OSBPL3: variants seen among roughly 807,000 people sequenced by gnomAD.
OSBPL3 encodes the protein oxysterol-binding protein-related protein 3.
In OSBPL3, 65 loss-of-function variants were observed where a neutral mutation model predicts 120.1. That is an observed-to-expected ratio of 0.54 (90% CI 0.44 to 0.67). The LOEUF is 0.67. Among genes scored for constraint, OSBPL3 ranks in the 30% least tolerant of loss-of-function variants. The probability of loss-of-function intolerance (pLI) is 0.00; values close to 1 mark genes in which losing one functional copy is unlikely to be tolerated. For missense variants in OSBPL3, 1,004 were observed against 1,082.1 expected, an observed-to-expected ratio of 0.93 and a Z score of 1.01; for synonymous variants, 416 against 402.6, an observed-to-expected ratio of 1.03 and a Z score of -0.40.
At position 24,939,146 on chromosome 7, in the gene OSBPL3, G is replaced by A. The variant is rs1489487595; in HGVS notation, c.-150+40740C>T. 8.5e-5 allele frequency among the ~76,000 whole-genome samples: 13 copies of A among 152,152 alleles called. No individual in the cohort carries two copies. The highest frequency in any genetic ancestry group is 7.2e-4 in the Admixed American group (11 of 15,268). ...AAATGCAGTATTTAAGAGAAAGAAAGAGAAAAGATAAATGAAGAAAACTAA... is the reference window on the plus strand; with the variant it reads ...AAATGCAGTATTTAAGAGAAAGAAAAAGAAAAGATAAATGAAGAAAACTAA... On this transcript the variant is annotated intron_variant, in intron 1 of 22. Coordinates refer to ENST00000313367, the MANE Select transcript of OSBPL3 (RefSeq NM_015550.4). The surrounding 1 kb of genome is among the most constrained non-coding windows in gnomAD (Gnocchi z 4.2).
At chr7:24,974,427 T>C (rs775757422) in intron 1 of OSBPL3, among the ~76,000 whole-genome samples, 2 of 152,208 alleles carry the variant, frequency 1.3e-5, no homozygotes, top group African/African-American at 2.4e-5. Flanking sequence ...TGCAACATAA[T>C]AGGAGTTACA....
rs1800712688 is a variant in OSBPL3 at position 24,862,522 on chromosome 7, TATC to T, written c.870+675_870+677del. ...GAACATTCTTTACTTCCAAAGTGCT[TATC>T]TTCAGTCCATAAACTACTTTGAACC... is the stretch of plus-strand genomic sequence containing the variant. On this transcript the variant is annotated intron_variant, in intron 9 of 22. Transcript: ENST00000313367. This position sits in a 1 kb window ranked among gnomAD's most constrained non-coding sequence, Gnocchi z 4.4. Among the ~76,000 whole-genome samples, 1 of 152,216 alleles carries T rather than the reference TATC, an allele frequency of 6.6e-6. No individual in the cohort carries two copies. The highest frequency in any genetic ancestry group is 2.4e-5 in the African/African-American group (1 of 41,454).
intron 1 of OSBPL3, among the ~76,000 whole-genome samples, chr7:24,973,955 G>A (rs1476606524): frequency 2.6e-5 from 4 of 152,038 alleles, no homozygotes; most frequent in African/African-American, 4.8e-5. Flanking sequence ...TTCTTAAGTA[G>A]ACAAAGAGTA....
chr7:24,839,991 CAAAAAAAAAAAAAAA>C (rs71675250), intron 14 of OSBPL3, among the ~76,000 whole-genome samples: 676 of 53,334 alleles, frequency 0.013, 18 homozygotes, highest in African/African-American at 0.05. Context: ...CTCCATCTCA[CAAAAAAAAAAAAAAA>C]AAAAAAAAAA....
At chr7:24,957,898 T>C (rs1378448985) in intron 1 of OSBPL3, among the ~76,000 whole-genome samples, 1 of 152,204 alleles carries the variant, frequency 6.6e-6, no homozygotes, top group African/African-American at 2.4e-5. Context: ...CATCATACAC[T>C]GTTTTACACA....
At chr7:24,843,570 A>C (rs1396617562) in intron 12 of OSBPL3, among the ~76,000 whole-genome samples, 1 of 152,198 alleles carries the variant, frequency 6.6e-6, no homozygotes, top group Non-Finnish European at 1.5e-5. Context: ...TTTCGTAATT[A>C]ATAAAAGGCA....
rs1191322711 is a variant in OSBPL3 at position 24,972,313 on chromosome 7, G to T, written c.-150+7573C>A. On this transcript the variant is annotated intron_variant, in intron 1 of 22. Transcript: ENST00000313367. The surrounding 1 kb of genome is among the most constrained non-coding windows in gnomAD (Gnocchi z 4.3). ...GAAAGACACAAAAGGGCAGGACTCT[G>T]CTCATCTCATCCTCCTTTGAGGATT... Among the ~76,000 whole-genome samples the T allele has an allele frequency of 6.6e-6, 1 of 152,206 alleles. No individual in the cohort carries two copies. The highest frequency in any genetic ancestry group is 6.5e-5 in the Admixed American group (1 of 15,278).
At chr7:24,874,793 C>G (rs1167486602) in intron 2 of OSBPL3, among the ~76,000 whole-genome samples, 1 of 152,188 alleles carries the variant, frequency 6.6e-6, no homozygotes, top group Non-Finnish European at 1.5e-5. Context: ...TGAAGACTCT[C>G]CTTGACTAAA....
chr7:24,921,001 T>A (rs1562928195), intron 1 of OSBPL3, among the ~76,000 whole-genome samples: 1 of 152,202 alleles, frequency 6.6e-6, no homozygotes, highest in East Asian at 1.9e-4. Context: ...CCCAAAGGCT[T>A]TCTTCTATCC....
At chr7:24,885,914 A>G (rs1384631244) in intron 2 of OSBPL3, among the ~76,000 whole-genome samples, 1 of 152,224 alleles carries the variant, frequency 6.6e-6, no homozygotes, top group Non-Finnish European at 1.5e-5. Context: ...GGAATGTGTT[A>G]CTTTGAAAAT....
intron 10 of OSBPL3, among the ~76,000 whole-genome samples, chr7:24,857,749 C>T (rs1011651470): frequency 3.9e-5 from 6 of 152,238 alleles, no homozygotes; most frequent in Admixed American, 1.3e-4. Context: ...GGGGAAGATT[C>T]CCAAATAATA....
At chr7:24,897,101 G>GC in intron 1 of OSBPL3, among the ~76,000 whole-genome samples, 1 of 151,706 alleles carries the variant, frequency 6.6e-6, no homozygotes, top group East Asian at 1.9e-4. Context: ...AGGGAGGAAG[G>GC]AAGGCAGGCA....
rs1812708999 is a variant in OSBPL3 at position 24,938,737 on chromosome 7, T to C, written c.-150+41149A>G. ...AGGCAAGACCTTAGTCACACGGCCA[T>C]ACCTAGCTGCAAGGAAAACTGAATA... On this transcript the variant is annotated intron_variant, in intron 1 of 22. Transcript: ENST00000313367. This position sits in a 1 kb window ranked among gnomAD's most constrained non-coding sequence, Gnocchi z 5.8. 6.7e-6 allele frequency among the ~76,000 whole-genome samples: 1 copy of C among 150,174 alleles called. No homozygotes were observed. Among genetic ancestry groups the C allele is most frequent in the Non-Finnish European group, 1.5e-5 (1 of 67,662 alleles).
At position 24,913,330 on chromosome 7, in the gene OSBPL3, T is replaced by C. The variant is rs1809104375; in HGVS notation, c.-149-20709A>G. The stretch of plus-strand genomic sequence containing the variant: ...CTCCAGACTCAGCAGGTGGGAAGCA[T>C]GAGAACATGGGGTGAAAAAGTCTCC... On this transcript the variant is annotated intron_variant, in intron 1 of 22. Transcript: ENST00000313367. The surrounding 1 kb of genome is among the most constrained non-coding windows in gnomAD (Gnocchi z 5.3). Among the ~76,000 whole-genome samples the C allele has an allele frequency of 6.6e-6, 1 of 152,110 alleles. No homozygotes were observed. The highest frequency in any genetic ancestry group is 2.4e-5 in the African/African-American group (1 of 41,412).
At chr7:24,893,120 T>G (rs1051542738) in intron 1 of OSBPL3, among the ~76,000 whole-genome samples, 6 of 152,166 alleles carry the variant, frequency 3.9e-5, no homozygotes, top group African/African-American at 1.2e-4. Flanking sequence ...ATTCCAATCC[T>G]AGGTATAGAT....
intron 1 of OSBPL3, among the ~76,000 whole-genome samples, chr7:24,974,932 A>T (rs892092507): frequency 1.3e-5 from 2 of 152,140 alleles, no homozygotes; most frequent in Non-Finnish European, 2.9e-5. Context: ...TGGTTGCACA[A>T]CTCTGAATAT....
In OSBPL3 at chr7:24,898,249, A is replaced by T. The variant is rs1806463395; in HGVS notation, c.-149-5628T>A. Among the ~76,000 whole-genome samples the T allele has an allele frequency of 6.6e-6, 1 of 152,216 alleles. No homozygotes were observed. Among genetic ancestry groups the T allele is most frequent in the African/African-American group, 2.4e-5 (1 of 41,446 alleles). On this transcript the variant is annotated intron_variant, in intron 1 of 22. Transcript: ENST00000313367. The surrounding 1 kb of genome is among the most constrained non-coding windows in gnomAD (Gnocchi z 4.3). ...AAGCAGGTTCTAATCACAACTTCAGATACCGATCGGTGATCCCGGACCTCT... is the reference window on the plus strand; with the variant it reads ...AAGCAGGTTCTAATCACAACTTCAGTTACCGATCGGTGATCCCGGACCTCT...
At chr7:24,915,733 C>T (rs564462979) in intron 1 of OSBPL3, among the ~76,000 whole-genome samples, 1 of 152,146 alleles carries the variant, frequency 6.6e-6, no homozygotes, top group East Asian at 1.9e-4. Context: ...GCCATCATGC[C>T]CAGCTGATTT....
rs912921078 is a variant in OSBPL3, at chr7:24,872,448, A to AGAGTGTGTGTGTGT, written c.97-380_97-379insACACACACACACTC. Among the ~76,000 whole-genome samples, 1 of 144,890 alleles carries AGAGTGTGTGTGTGT rather than the reference A, an allele frequency of 6.9e-6. No individual in the cohort carries two copies. Among genetic ancestry groups the AGAGTGTGTGTGTGT allele is most frequent in the African/African-American group, 2.6e-5 (1 of 38,708 alleles). On this transcript the variant is annotated intron_variant, in intron 2 of 22. Coordinates refer to ENST00000313367, the MANE Select transcript of OSBPL3 (RefSeq NM_015550.4). This position sits in a 1 kb window ranked among gnomAD's most constrained non-coding sequence, Gnocchi z 4.1. ...TCAGTCTGAATTTTAACCGAAAGAG[A>AGAGTGTGTGTGTGT]GTGTGTGTGTGTGTGTGTGTGTGTG...
Sources: gnomAD v4.1 joint callset for allele counts (sites outside exome capture counted in the v4.1 genomes callset) on GRCh38, gnomAD v4.1.1 for gene constraint, Gnocchi (gnomAD v3.1) non-coding constraint, MANE v1.5 for transcripts, NCBI Gene and HGNC (gene_info 2026-07-23, HGNC 2026-07-21) for gene names.